The following DLG2 variants were observed in gnomAD, a reference collection of about 807,000 sequenced individuals.
DLG2 encodes discs large MAGUK scaffold protein 2.
A neutral mutation model predicts 132.5 loss-of-function variants in DLG2; 45 were observed. That is an observed-to-expected ratio of 0.34 (90% CI 0.27 to 0.44). The LOEUF (loss-of-function observed/expected upper bound fraction) is 0.44, where lower values mean the gene tolerates loss of function less well. DLG2 is among the 20% of genes least tolerant of loss of function. The pLI is 1.00. For missense variants in DLG2, 1,045 were observed against 1,196.9 expected (o/e 0.87, Z 1.87); for synonymous variants, 424 against 419.6 (o/e 1.01, Z -0.13).
intron 3 of DLG2, among the ~76,000 whole-genome samples, chr11:85,424,072 T>C (rs2090527937): frequency 6.6e-6 from 1 of 152,162 alleles, no homozygotes; most frequent in African/African-American, 2.4e-5. Flanking sequence ...CAGGCAAAAA[T>C]GGCTTGCTAG....
At chr11:85,276,246 T>C (rs1331994156) in intron 4 of DLG2, among the ~76,000 whole-genome samples, 1 of 152,166 alleles carries the variant, frequency 6.6e-6, no homozygotes, top group Non-Finnish European at 1.5e-5. Context: ...AAAAAAACTT[T>C]AGGAATGTGG....
chr11:84,525,243 T>TA (rs1157689608), intron 7 of DLG2, among the ~76,000 whole-genome samples: 2 of 152,164 alleles, frequency 1.3e-5, no homozygotes, highest in African/African-American at 4.8e-5. Context: ...AACTGACTGT[T>TA]AAACACTTCT....
chr11:83,881,006 T>C lies in DLG2; in HGVS notation c.1497-6518A>G, dbSNP rs141844485. On this transcript the variant is annotated intron_variant, in intron 15 of 27. Transcript: ENST00000376104. ...GCTTACATTTTTCTTCTGATATCTA[T>C]TAAGTTGGTGCAAAAGTAATAGTGG... 6.0e-3 allele frequency among the ~76,000 whole-genome samples: 913 copies of C among 151,166 alleles called. 7 individuals carry two copies. The highest frequency in any genetic ancestry group is 0.014 in the Middle Eastern group (4 of 294).
At chr11:84,798,930 T>C (rs2075027272) in intron 6 of DLG2, among the ~76,000 whole-genome samples, 3 of 152,104 alleles carry the variant, frequency 2.0e-5, no homozygotes, top group Admixed American at 2.0e-4. Context: ...GTGCCTAAGC[T>C]GGTATCCAAG....
At chr11:85,208,643 A>G (rs892503482) in intron 4 of DLG2, among the ~76,000 whole-genome samples, 4 of 152,170 alleles carry the variant, frequency 2.6e-5, no homozygotes, top group African/African-American at 9.7e-5. Flanking sequence ...ACAGGGAGCT[A>G]TAACATGCAC....
chr11:85,422,339 G>A (rs970007736), intron 3 of DLG2, among the ~76,000 whole-genome samples: 1 of 152,092 alleles, frequency 6.6e-6, no homozygotes, highest in African/African-American at 2.4e-5. Context: ...AGGTTTGGTT[G>A]TTTAACATAA....
At chr11:85,305,182 C>T (rs2079857166) in intron 3 of DLG2, among the ~76,000 whole-genome samples, 1 of 152,214 alleles carries the variant, frequency 6.6e-6, no homozygotes, top group East Asian at 1.9e-4. Flanking sequence ...GCAACTACAT[C>T]ACTGCTTCTC....
chr11:85,005,781 G>C (rs977841474), intron 6 of DLG2, among the ~76,000 whole-genome samples: 3 of 152,240 alleles, frequency 2.0e-5, no homozygotes, highest in African/African-American at 4.8e-5. Flanking sequence ...GGAGTGGTGA[G>C]AGTGGGCATT....
intron 8 of DLG2, among the ~76,000 whole-genome samples, chr11:84,167,199 G>A (rs887125620): frequency 6.6e-6 from 1 of 152,136 alleles, no homozygotes; most frequent in African/African-American, 2.4e-5. Flanking sequence ...TGGTTCTGTG[G>A]TGACAGCTGG....
At chr11:84,768,313 T>G (rs573061646) in intron 6 of DLG2, among the ~76,000 whole-genome samples, 1 of 152,314 alleles carries the variant, frequency 6.6e-6, no homozygotes, top group East Asian at 1.9e-4. Flanking sequence ...TTTGAGTCAT[T>G]TTTAAAACAG....
intron 11 of DLG2, among the ~76,000 whole-genome samples, chr11:84,042,143 G>C (rs1430055391): frequency 6.6e-6 from 1 of 151,878 alleles, no homozygotes; most frequent in Non-Finnish European, 1.5e-5. Context: ...GGACACAACT[G>C]TTTTTTAAAG....
intron 7 of DLG2, among the ~76,000 whole-genome samples, chr11:84,332,804 C>T (rs544810643): frequency 6.6e-6 from 1 of 152,286 alleles, no homozygotes; most frequent in South Asian, 2.1e-4. Context: ...AAAGTCAACA[C>T]AACCTAAAGA....
At chr11:85,520,632 C>T (rs778450115) in intron 3 of DLG2, among the ~76,000 whole-genome samples, 1 of 150,562 alleles carries the variant, frequency 6.6e-6, no homozygotes, top group Non-Finnish European at 1.5e-5. Flanking sequence ...CTATAGTAAC[C>T]AAAACAGCAT....
chr11:84,554,911 G>A (rs1340990097), intron 6 of DLG2, among the ~76,000 whole-genome samples: 1 of 152,110 alleles, frequency 6.6e-6, no homozygotes, highest in Non-Finnish European at 1.5e-5. Flanking sequence ...TGAAGAGGTG[G>A]GTAAGCTGCC....
At chr11:84,855,309 T>C (rs556022835) in intron 6 of DLG2, among the ~76,000 whole-genome samples, 1 of 152,234 alleles carries the variant, frequency 6.6e-6, no homozygotes, top group Admixed American at 6.6e-5. Flanking sequence ...GGTTTTGGTA[T>C]CAAAGTGATA....
At chr11:83,908,536 T>G (rs937770457) in intron 15 of DLG2, among the ~76,000 whole-genome samples, 1 of 152,080 alleles carries the variant, frequency 6.6e-6, no homozygotes, top group African/African-American at 2.4e-5. Flanking sequence ...ACAGAGCATA[T>G]TTTTCATCTG....
intron 19 of DLG2, among the ~76,000 whole-genome samples, chr11:83,585,678 T>G (rs973260787): frequency 6.6e-6 from 1 of 152,202 alleles, no homozygotes; most frequent in Non-Finnish European, 1.5e-5. Flanking sequence ...ATAGTATTTT[T>G]CTACTGAAGT....
chr11:83,868,143 C>T (rs964430747), intron 16 of DLG2, among the ~76,000 whole-genome samples: 1 of 151,992 alleles, frequency 6.6e-6, no homozygotes, highest in South Asian at 2.1e-4. Context: ...CTAATGAATC[C>T]CCTCGTTTTT....
At chr11:84,875,041 G>C (rs1438881005) in intron 6 of DLG2, among the ~76,000 whole-genome samples, 1 of 148,946 alleles carries the variant, frequency 6.7e-6, no homozygotes, top group Non-Finnish European at 1.5e-5. Context: ...AAAAAAAAGA[G>C]AAAGATTTAG....
Sources: gnomAD v4.1 joint callset for allele counts (sites outside exome capture counted in the v4.1 genomes callset) on GRCh38, gnomAD v4.1.1 for gene constraint, MANE v1.5 for transcripts, NCBI Gene and HGNC (gene_info 2026-07-23, HGNC 2026-07-21) for gene names.